RASA2: variants seen among roughly 807,000 people sequenced by gnomAD.
The protein encoded by RASA2 is ras GTPase-activating protein 2.
RASA2 carries 155 observed loss-of-function variants against 118.2 expected under a neutral mutation model. That is an observed-to-expected ratio of 1.31 (90% CI 1.15 to 1.50). RASA2 has a LOEUF of 1.50. Ranked by LOEUF, RASA2 falls within the 40% of genes most tolerant of loss-of-function variation. The probability of loss-of-function intolerance (pLI) is 0.00; values close to 1 mark genes in which losing one functional copy is unlikely to be tolerated. For missense variants in RASA2, 1,016 were observed against 1,009.6 expected, an observed-to-expected ratio of 1.01 and a Z score of -0.09; for synonymous variants, 353 against 349.1, an observed-to-expected ratio of 1.01 and a Z score of -0.12.
At chr3:141,511,565 A>G (rs1342002114) in intron 1 of RASA2, among the ~76,000 whole-genome samples, 1 of 152,128 alleles carries the variant, frequency 6.6e-6, no homozygotes, top group Non-Finnish European at 1.5e-5. Context: ...GCCGGGTATG[A>G]TGAAAACAGA....
At chr3:141,534,862 TAA>T (rs2082306598) in intron 4 of RASA2, among the ~76,000 whole-genome samples, 1 of 152,104 alleles carries the variant, frequency 6.6e-6, no homozygotes, top group Non-Finnish European at 1.5e-5. Context: ...GCCATTAATA[TAA>T]GAGATATTAA....
rs191433902 is a variant in RASA2, at chr3:141,595,533, C to T, written c.1933+8781C>T. Among the ~76,000 whole-genome samples the T allele has an allele frequency of 2.1e-3, 313 of 152,208 alleles. 1 individual carries two copies. Among genetic ancestry groups the T allele is most frequent in the Non-Finnish European group, 3.5e-3 (241 of 67,982 alleles). On this transcript the variant is annotated intron_variant, in intron 19 of 23. Transcript: ENST00000286364. ...AGGAGCACATAATCCTAAATGTGTA[C>T]ATACCTAATTACAACTTCAATGTAG...
intron 5 of RASA2, among the ~76,000 whole-genome samples, chr3:141,541,757 G>T (rs1252807430): frequency 6.6e-6 from 1 of 151,188 alleles, no homozygotes; most frequent in African/African-American, 2.4e-5. Context: ...CTTTAACATG[G>T]AATAGTTTTT....
intron 19 of RASA2, among the ~76,000 whole-genome samples, chr3:141,607,038 T>C (rs1454026784): frequency 6.6e-6 from 1 of 152,148 alleles, no homozygotes; most frequent in Non-Finnish European, 1.5e-5. Context: ...GGAGCTCCTT[T>C]AGCAAATTCA....
intron 15 of RASA2, among the ~76,000 whole-genome samples, chr3:141,577,315 A>G (rs1422211266): frequency 6.6e-6 from 1 of 152,150 alleles, no homozygotes; most frequent in African/African-American, 2.4e-5. Flanking sequence ...TACAAGAGTA[A>G]TAAAATGTTG....
chr3:141,556,067 A>G (rs762509450), intron 7 of RASA2, among the ~76,000 whole-genome samples, 155 bp downstream of exon 7: 2 of 152,202 alleles, frequency 1.3e-5, no homozygotes, highest in African/African-American at 4.8e-5. Context: ...GTGTGATGCA[A>G]TGGATGCCCA....
rs1360734306 is a variant in RASA2 at position 141,487,071 on chromosome 3, G to C, written c.-13G>C. The C allele has an allele frequency of 2.3e-6, 3 of 1,303,426 alleles. No homozygotes were observed. The highest frequency in any genetic ancestry group is 3.0e-6 in the Non-Finnish European group (3 of 1,016,204). The allele number at this position is 1,303,426 out of a possible 1,614,324, so 80.7% of individuals were successfully genotyped here. A position where few individuals can be genotyped will look rare whatever the true frequency, so the allele number is the denominator to read the frequency against. ...CGCAGGCGGCAGGGCTGCGGCACGG[G>C]CCGGGCGGCACCATGGCGGCGGCGG... On this transcript the variant is annotated 5_prime_UTR_variant, in exon 1 of 24. Transcript: ENST00000286364.
Position 141,586,105 on chromosome 3 carries a change from T to G in RASA2, c.1826+7T>G. ...CTGTGCACCTGAAAGAAGGGTAATT[T>G]AATCAAATTAGACGTGAAAGTCATA... On this transcript the variant is annotated splice_region_variant and intron_variant, in intron 18 of 23. Coordinates refer to ENST00000286364, the MANE Select transcript of RASA2 (RefSeq NM_006506.5). 1 of 1,588,450 alleles carries G rather than the reference T, an allele frequency of 6.3e-7. No homozygotes were observed. The highest frequency in any genetic ancestry group is 1.1e-5 in the South Asian group (1 of 90,318).
At chr3:141,604,844 A>G (rs1256314058) in intron 19 of RASA2, among the ~76,000 whole-genome samples, 2 of 152,112 alleles carry the variant, frequency 1.3e-5, no homozygotes, top group Admixed American at 6.5e-5. Context: ...AACATGGCAC[A>G]TGTATACATA....
chr3:141,600,582 G>A (rs1482180673), intron 19 of RASA2: 4 of 253,910 alleles, frequency 1.6e-5, no homozygotes, highest in Middle Eastern at 5.1e-4. Flanking sequence ...TCTCCTTGAC[G>A]GGTGCAGGGC....
intron 22 of RASA2, 24 bp from the exon 23 acceptor site, chr3:141,609,853 G>T (rs2083609150): frequency 6.6e-7 from 1 of 1,513,442 alleles, no homozygotes; most frequent in Admixed American, 2.4e-5. Context: ...TCTGATCAGA[G>T]ATTTATTTTC....
intron 19 of RASA2, among the ~76,000 whole-genome samples, chr3:141,593,148 AG>A (rs1208605146): frequency 2.6e-5 from 4 of 152,040 alleles, no homozygotes; most frequent in Non-Finnish European, 5.9e-5. Context: ...CCCAGGTTTA[AG>A]TGATTCTTCT....
chr3:141,487,201 C>T lies in RASA2; in HGVS notation c.118C>T (p.Leu40=), dbSNP rs749251130. ...TCGCGAGGTTCGAGTGTTGCAGAGC[C>T]TGCGGGGCAAGATCTGTAAGCGGGG... ...DSREVRVLQS[L]RGKICEAKNL... Residue 40 remains leucine (L), a synonymous_variant, in exon 1 of 24, where the codon CTG becomes TTG. Coordinates refer to ENST00000286364, the MANE Select transcript of RASA2 (RefSeq NM_006506.5). 10 of 1,445,800 alleles carry T rather than the reference C, an allele frequency of 6.9e-6. No homozygotes were observed. Among genetic ancestry groups the T allele is most frequent in the Non-Finnish European group, 9.2e-6 (10 of 1,088,066 alleles). 89.6% of individuals were successfully genotyped at this position (1,445,800 alleles called of 1,614,324 possible). A position where few individuals can be genotyped will look rare whatever the true frequency, so the allele number is the denominator to read the frequency against.
At chr3:141,585,107 T>C (rs551300347) in intron 17 of RASA2, among the ~76,000 whole-genome samples, 2 of 152,184 alleles carry the variant, frequency 1.3e-5, no homozygotes, top group Non-Finnish European at 2.9e-5. Context: ...AGCCATACTT[T>C]GGTGATTCTT....
chr3:141,512,052 T>C (rs2081959223), intron 1 of RASA2, 111 bp from the exon 2 acceptor site: 2 of 699,562 alleles, frequency 2.9e-6, no homozygotes, highest in Non-Finnish European at 4.7e-6. Flanking sequence ...GTGTTTTTTT[T>C]TTTTTCTGTG....
chr3:141,601,763 T>G (rs2083468119), intron 19 of RASA2, among the ~76,000 whole-genome samples: 1 of 152,216 alleles, frequency 6.6e-6, no homozygotes, highest in Admixed American at 6.5e-5. Context: ...TTTTTTGACT[T>G]ATTTCTTCAA....
chr3:141,488,118 C>T (rs1328252252), intron 1 of RASA2, among the ~76,000 whole-genome samples: 1 of 151,816 alleles, frequency 6.6e-6, no homozygotes, highest in African/African-American at 2.4e-5. Flanking sequence ...TGAGTTCTGT[C>T]ATTTGAACAT....
In RASA2 at chr3:141,614,196, TTGTTTTAAAGATCATGG is replaced by T. The variant is rs983502658; in HGVS notation, c.*1885_*1901del. On this transcript the variant is annotated 3_prime_UTR_variant, in exon 24 of 24. Transcript: ENST00000286364. ...TCTAATACCAAATCCCCAATTGTGATTGTTTTAAAGATCATGGTATGATCACAGGGACCAAGGCTGTG... is the reference window on the plus strand; with the variant it reads ...TCTAATACCAAATCCCCAATTGTGATTATGATCACAGGGACCAAGGCTGTG... 1 of 152,078 alleles carries T rather than the reference TTGTTTTAAAGATCATGG, an allele frequency of 6.6e-6. No individual in the cohort carries two copies. The highest frequency in any genetic ancestry group is 6.6e-5 in the Admixed American group (1 of 15,260). 9.4% of individuals were successfully genotyped at this position (152,078 alleles called of 1,614,324 possible).
At chr3:141,612,003 C>T (rs2083660261) in intron 23 of RASA2, among the ~76,000 whole-genome samples, 1 of 152,160 alleles carries the variant, frequency 6.6e-6, no homozygotes, top group Non-Finnish European at 1.5e-5. Flanking sequence ...CTCTACCATA[C>T]TAAATATCTT....
Sources: gnomAD v4.1 joint callset for allele counts (sites outside exome capture counted in the v4.1 genomes callset) on GRCh38, gnomAD v4.1.1 for gene constraint, MANE v1.5 for transcripts, NCBI Gene and HGNC (gene_info 2026-07-23, HGNC 2026-07-21) for gene names.